TP63: variants seen among roughly 807,000 people sequenced by gnomAD.
TP63 encodes the protein tumor protein p63.
TP63 carries 17 observed loss-of-function variants against 82.8 expected under a neutral mutation model. The observed-to-expected ratio is 0.21, with a 90% CI of 0.14 to 0.31. The LOEUF (loss-of-function observed/expected upper bound fraction) is 0.31, where lower values mean the gene tolerates loss of function less well. Among genes scored for constraint, TP63 ranks in the 10% least tolerant of loss-of-function variants. The pLI, the probability that TP63 is intolerant of heterozygous loss-of-function variation, is 1.00. For synonymous variants in TP63, 330 were observed against 321.7 expected (o/e 1.03, Z -0.28); for missense variants, 648 against 895.3 (o/e 0.72, Z 3.52).
At chr3:189,820,819 T>C (rs1206892523) in intron 4 of TP63, among the ~76,000 whole-genome samples, 2 of 152,256 alleles carry the variant, frequency 1.3e-5, no homozygotes. Context: ...TATTACATTC[T>C]GTAATCTCAT....
chr3:189,743,834 G>A (rs544990619), intron 3 of TP63, among the ~76,000 whole-genome samples: 1 of 152,246 alleles, frequency 6.6e-6, no homozygotes, highest in African/African-American at 2.4e-5. Context: ...TTGGGCAAGG[G>A]TAAGTGGGAG....
intron 4 of TP63, among the ~76,000 whole-genome samples, chr3:189,845,509 A>G (rs2108752297): frequency 6.6e-6 from 1 of 152,300 alleles, no homozygotes; most frequent in Admixed American, 6.5e-5. Context: ...ATGAGGATTC[A>G]TTGTATTTGT....
At chr3:189,635,963 A>G (rs1040288668) in intron 1 of TP63, among the ~76,000 whole-genome samples, 3 of 152,184 alleles carry the variant, frequency 2.0e-5, no homozygotes, top group Non-Finnish European at 4.4e-5. Flanking sequence ...GCTTTTAGCC[A>G]TCTCCGTAAT....
At chr3:189,814,410 T>C (rs1727934962) in intron 4 of TP63, among the ~76,000 whole-genome samples, 1 of 152,212 alleles carries the variant, frequency 6.6e-6, no homozygotes, top group South Asian at 2.1e-4. Flanking sequence ...TAGATTTTAT[T>C]GGTGAGGGGC....
At position 189,893,130 on chromosome 3, in the gene TP63, C is replaced by CA. The variant is rs150429533; in HGVS notation, c.1747-1071dup. On this transcript the variant is annotated intron_variant, in intron 13 of 13. Transcript: ENST00000264731. ...ACTTCATTAGTATCCCCATAACATG[C>CA]AAAAATGAGGTAACAATACAACATA... Among the ~76,000 whole-genome samples the CA allele has an allele frequency of 4.7e-3, 721 of 152,142 alleles. 6 individuals carry two copies. Among genetic ancestry groups the CA allele is most frequent in the African/African-American group, 0.017 (705 of 41,510 alleles).
chr3:189,699,987 G>A (rs1364951814), intron 1 of TP63, among the ~76,000 whole-genome samples: 1 of 152,184 alleles, frequency 6.6e-6, no homozygotes, highest in Non-Finnish European at 1.5e-5. Flanking sequence ...TATGTGCGCT[G>A]ATGCTGTTTG....
chr3:189,678,256 G>A (rs971072631), intron 1 of TP63, among the ~76,000 whole-genome samples: 3 of 152,000 alleles, frequency 2.0e-5, no homozygotes, highest in Non-Finnish European at 4.4e-5. Flanking sequence ...TCCATCTTGA[G>A]TTAATTTTTG....
chr3:189,822,674 A>G (rs548715755), intron 4 of TP63, among the ~76,000 whole-genome samples: 2 of 152,338 alleles, frequency 1.3e-5, no homozygotes, highest in East Asian at 1.9e-4. Flanking sequence ...GAGATAAGTT[A>G]AAGTGCCCTG....
At chr3:189,710,716 G>T (rs1718531346) in intron 1 of TP63, among the ~76,000 whole-genome samples, 2 of 152,238 alleles carry the variant, frequency 1.3e-5, no homozygotes, top group Non-Finnish European at 2.9e-5. Flanking sequence ...CTAGAGGAGG[G>T]TGATGGAAGG....
rs1560151462 is a variant in TP63, at chr3:189,743,927, CTAA to C, written c.324+5154_324+5156del. Among the ~76,000 whole-genome samples the C allele has an allele frequency of 5.9e-5, 9 of 152,222 alleles. 1 individual carries two copies. The South Asian group carries it at 1.9e-3, about 32-fold the overall frequency. On this transcript the variant is annotated intron_variant, in intron 3 of 13. Transcript: ENST00000264731. ...CCTTTGACCATCATGGGCCCTGAGA[CTAA>C]CATAAGGAGCTGAAGACTACTCAAC...
chr3:189,796,606 C>T (rs1034647975), intron 3 of TP63, among the ~76,000 whole-genome samples: 9 of 151,954 alleles, frequency 5.9e-5, no homozygotes, highest in African/African-American at 1.7e-4. Flanking sequence ...CAAATGTTAA[C>T]ATATGATTGT....
the TP63 span, among the ~76,000 whole-genome samples, chr3:189,622,187 T>G: frequency 1.3e-5 from 2 of 152,224 alleles, no homozygotes; most frequent in Non-Finnish European, 2.9e-5. Flanking sequence ...CGCCATGAGC[T>G]CATGCCTTCC....
intron 1 of TP63, among the ~76,000 whole-genome samples, chr3:189,636,182 G>C (rs1359619953): frequency 6.6e-6 from 1 of 152,128 alleles, no homozygotes; most frequent in Non-Finnish European, 1.5e-5. Flanking sequence ...ACCGTGGTTA[G>C]CCAAAAGCAC....
chr3:189,641,103 G>A (rs1339644462), intron 1 of TP63, among the ~76,000 whole-genome samples: 2 of 152,084 alleles, frequency 1.3e-5, no homozygotes, highest in African/African-American at 4.8e-5. Context: ...AACAATAGGA[G>A]AAGGGAAATA....
chr3:189,711,358 A>G (rs137982944), intron 1 of TP63, among the ~76,000 whole-genome samples: 44 of 152,244 alleles, frequency 2.9e-4, no homozygotes, highest in African/African-American at 9.1e-4. Flanking sequence ...GTGAGGTTCT[A>G]CCTCATCTTT....
At chr3:189,701,956 TAATAAATTA>T (rs1717846518) in intron 1 of TP63, among the ~76,000 whole-genome samples, 1 of 152,212 alleles carries the variant, frequency 6.6e-6, no homozygotes, top group Admixed American at 6.5e-5. Context: ...CAATTTACCT[TAATAAATTA>T]AATAAATGTG....
At chr3:189,743,605 A>G (rs979611874) in intron 3 of TP63, among the ~76,000 whole-genome samples, 4 of 152,214 alleles carry the variant, frequency 2.6e-5, no homozygotes, top group African/African-American at 9.7e-5. Flanking sequence ...AAAATTTTAT[A>G]GCCTTTAAAG....
At chr3:189,757,087 G>A (rs554095136) in intron 3 of TP63, among the ~76,000 whole-genome samples, 4 of 152,254 alleles carry the variant, frequency 2.6e-5, no homozygotes, top group African/African-American at 7.2e-5. Context: ...TCTGTAAAAC[G>A]TGAAAAATTC....
intron 3 of TP63, among the ~76,000 whole-genome samples, chr3:189,751,999 T>C (rs1198365368): frequency 2.0e-5 from 3 of 152,142 alleles, no homozygotes; most frequent in Non-Finnish European, 2.9e-5. Flanking sequence ...GGGCCTAAGA[T>C]TTTTTTCTGG....
Sources: gnomAD v4.1 joint callset for allele counts (sites outside exome capture counted in the v4.1 genomes callset) on GRCh38, gnomAD v4.1.1 for gene constraint, MANE v1.5 for transcripts, NCBI Gene and HGNC (gene_info 2026-07-23, HGNC 2026-07-21) for gene names.